Variants in PDE10A observed in about 807,000 individuals in gnomAD.
PDE10A encodes phosphodiesterase 10A.
Under a neutral mutation model 97.7 loss-of-function variants are expected in PDE10A, and 39 were observed. The ratio of observed to expected loss-of-function variants is 0.40; its 90% CI spans 0.31 to 0.52. The LOEUF (loss-of-function observed/expected upper bound fraction) is 0.52, where lower values mean the gene tolerates loss of function less well. Among genes scored for constraint, PDE10A ranks in the 20% least tolerant of loss-of-function variants. The probability of loss-of-function intolerance (pLI) is 0.56; values close to 1 mark genes in which losing one functional copy is unlikely to be tolerated. For missense variants in PDE10A, 731 were observed against 1,047.8 expected (o/e 0.70, Z 4.17); for synonymous variants, 371 against 376.8 (o/e 0.98, Z 0.18).
chr6:165,592,265 C>G (rs1786321988), intron 1 of PDE10A, among the ~76,000 whole-genome samples: 1 of 151,916 alleles, frequency 6.6e-6, no homozygotes, highest in Non-Finnish European at 1.5e-5. Context: ...ATGCAGAAAA[C>G]TGAGACTTTC....
chr6:165,635,441 T>TG (rs1343048065), intron 1 of PDE10A, among the ~76,000 whole-genome samples: 1 of 152,062 alleles, frequency 6.6e-6, no homozygotes, highest in Non-Finnish European at 1.5e-5. Context: ...AGATGGGGTT[T>TG]GTCTTCATGG....
chr6:165,515,078 G>A (rs138034005), intron 2 of PDE10A, among the ~76,000 whole-genome samples: 36 of 152,194 alleles, frequency 2.4e-4, no homozygotes, highest in African/African-American at 4.6e-4. Context: ...GAGGGCATGC[G>A]GATCAAAACT....
rs1790277919 is a variant in PDE10A at position 165,661,771 on chromosome 6, CGCTCCGCCAGGG to C, written c.865+164_865+175del. ...GTCCCTGCGCGGCCGAACGCTCCCGCGCTCCGCCAGGGGCACCGGCTCCTGCCCCTCCAGAGA... is the reference window on the plus strand; with the variant it reads ...GTCCCTGCGCGGCCGAACGCTCCCGCGCACCGGCTCCTGCCCCTCCAGAGA... On this transcript the variant is annotated intron_variant, in intron 1 of 21. Coordinates refer to ENST00000539869, the MANE Select transcript of PDE10A (RefSeq NM_001385079.1). This position sits in a 1 kb window ranked among gnomAD's most constrained non-coding sequence, Gnocchi z 4.8. Among the ~76,000 whole-genome samples the C allele has an allele frequency of 6.6e-6, 1 of 152,084 alleles. No homozygotes were observed. The highest frequency in any genetic ancestry group is 1.5e-5 in the Non-Finnish European group (1 of 67,992).
At chr6:165,367,920 T>A (rs901292590) in intron 18 of PDE10A, among the ~76,000 whole-genome samples, 3 of 152,046 alleles carry the variant, frequency 2.0e-5, no homozygotes, top group African/African-American at 7.2e-5. Context: ...AGTTGGAAAT[T>A]TGGATTTACA....
Position 165,578,512 on chromosome 6 carries a change from G to A in PDE10A, c.866-34944C>T, listed in dbSNP as rs567111753. 8.5e-5 allele frequency among the ~76,000 whole-genome samples: 13 copies of A among 152,120 alleles called. No homozygotes were observed. In the South Asian group the frequency reaches 2.7e-3, roughly 32 times the overall value. ...TAGTTCCTCACTGTTCCAGAATAAAGATGAAAAACAGAGTATGGAAGCACC... is the reference window on the plus strand; with the variant it reads ...TAGTTCCTCACTGTTCCAGAATAAAAATGAAAAACAGAGTATGGAAGCACC... On this transcript the variant is annotated intron_variant, in intron 1 of 21. Transcript: ENST00000539869.
intron 1 of PDE10A, among the ~76,000 whole-genome samples, chr6:165,715,072 C>T (rs973678417): frequency 7.2e-5 from 11 of 152,368 alleles, no homozygotes; most frequent in African/African-American, 2.6e-4. Flanking sequence ...AGAGTATTGG[C>T]TCAGCCTGCA....
intron 1 of PDE10A, among the ~76,000 whole-genome samples, chr6:165,705,349 A>G (rs1370840776): frequency 2.0e-5 from 3 of 152,248 alleles, no homozygotes; most frequent in Non-Finnish European, 2.9e-5. Flanking sequence ...AATGCCACCC[A>G]GATGCCAGGG....
chr6:165,854,111 G>A (rs953623491), intron 1 of PDE10A, among the ~76,000 whole-genome samples: 2 of 152,206 alleles, frequency 1.3e-5, no homozygotes, highest in South Asian at 2.1e-4. Context: ...GGGGAAGCCC[G>A]TGGGCGGTGA....
chr6:165,779,923 T>A (rs183920721), intron 1 of PDE10A, among the ~76,000 whole-genome samples: 181 of 152,258 alleles, frequency 1.2e-3, no homozygotes, highest in African/African-American at 4.2e-3. Flanking sequence ...TTCAATTCAC[T>A]CCGCTGGGCC....
intron 13 of PDE10A, among the ~76,000 whole-genome samples, chr6:165,411,642 T>G (rs1369444140): frequency 6.6e-6 from 1 of 152,244 alleles, no homozygotes. Context: ...AATTTCTTGA[T>G]TTTTAAATTA....
At chr6:165,975,059 G>A (rs180850602) in intron 1 of PDE10A, among the ~76,000 whole-genome samples, 248 of 152,328 alleles carry the variant, frequency 1.6e-3, no homozygotes, top group Non-Finnish European at 2.7e-3. Flanking sequence ...ATGGAGGCAG[G>A]AGAAGGAGCC....
chr6:165,886,944 G>T (rs35362343), intron 1 of PDE10A, among the ~76,000 whole-genome samples: 5,536 of 152,232 alleles, frequency 0.036, 121 homozygotes, highest in Non-Finnish European at 0.048. Flanking sequence ...TTTGGAAATG[G>T]AAATACCAGA....
intron 1 of PDE10A, among the ~76,000 whole-genome samples, chr6:165,889,363 A>G (rs1405724817): frequency 3.3e-5 from 5 of 152,120 alleles, no homozygotes; most frequent in African/African-American, 9.7e-5. Context: ...TTGTTTCCCA[A>G]TCTGCACTCT....
chr6:165,686,879 C>T (rs1456933209), intron 1 of PDE10A, among the ~76,000 whole-genome samples: 2 of 152,210 alleles, frequency 1.3e-5, no homozygotes, highest in Admixed American at 6.5e-5. Context: ...TGCAGAGCCA[C>T]CTTCTCCACT....
At chr6:165,542,469 A>G (rs963718359) in intron 2 of PDE10A, among the ~76,000 whole-genome samples, 3 of 152,132 alleles carry the variant, frequency 2.0e-5, no homozygotes, top group Non-Finnish European at 2.9e-5. Context: ...CAACATGCAA[A>G]GAGACTCCTA....
chr6:165,595,613 C>T (rs1017001752), intron 1 of PDE10A, among the ~76,000 whole-genome samples: 18 of 152,174 alleles, frequency 1.2e-4, no homozygotes, highest in Admixed American at 1.1e-3. Flanking sequence ...CCAACTAATA[C>T]GTCTGTCTTG....
intron 2 of PDE10A, among the ~76,000 whole-genome samples, chr6:165,539,562 GCA>G (rs1783298838): frequency 6.6e-6 from 1 of 152,146 alleles, no homozygotes; most frequent in Non-Finnish European, 1.5e-5. Flanking sequence ...AATAATCCCA[GCA>G]CCTGAACAGA....
intron 2 of PDE10A, among the ~76,000 whole-genome samples, chr6:165,509,533 T>A (rs1036045249): frequency 7.2e-5 from 11 of 151,964 alleles, no homozygotes; most frequent in African/African-American, 2.7e-4. Context: ...CCGGTGTTGT[T>A]CCTTTTGCTC....
chr6:165,956,014 CT>C (rs1784125804), intron 1 of PDE10A, among the ~76,000 whole-genome samples: 1 of 152,326 alleles, frequency 6.6e-6, no homozygotes, highest in South Asian at 2.1e-4. Flanking sequence ...ATGGAAACAT[CT>C]GTAAACTGCC....
Sources: allele counts gnomAD v4.1 joint callset (sites outside exome capture counted in the v4.1 genomes callset), GRCh38; gene constraint gnomAD v4.1.1; non-coding constraint Gnocchi (gnomAD v3.1); transcripts MANE v1.5; gene names NCBI Gene and HGNC (gene_info 2026-07-23, HGNC 2026-07-21).